The following BIRC2 variants were observed in gnomAD, a reference collection of about 807,000 sequenced individuals.
BIRC2 encodes baculoviral IAP repeat-containing protein 2.
In BIRC2, 18 loss-of-function variants were observed where a neutral mutation model predicts 60.9. The observed-to-expected ratio is 0.30, with a 90% CI of 0.20 to 0.44. The LOEUF is 0.44. Ranked by LOEUF, BIRC2 falls within the 20% of genes least tolerant of loss-of-function variation. The pLI, the probability that BIRC2 is intolerant of heterozygous loss-of-function variation, is 1.00. For missense variants in BIRC2, 701 were observed against 728.5 expected, an observed-to-expected ratio of 0.96 and a Z score of 0.43; for synonymous variants, 282 against 247.7, an observed-to-expected ratio of 1.14 and a Z score of -1.30.
chr11:102,362,838 A>G (rs980523422), intron 3 of BIRC2, 58 bp from the exon 4 acceptor site: 3 of 1,327,468 alleles, frequency 2.3e-6, no homozygotes, highest in Non-Finnish European at 3.2e-6. Context: ...TTCTAGAATG[A>G]TCAGGTTATA....
chr11:102,350,748 G>A lies in BIRC2; in HGVS notation c.894G>A (p.Val298=). The change falls in exon 2 of 9, where the codon GTG becomes GTA. Residue 298 remains valine (V), a splice_region_variant and synonymous_variant. Transcript: ENST00000227758. ...EQLASAGFYY[V]GRNDDVKCFC... ...TTGCAAGTGCTGGTTTTTATTATGT[G>A]GGTAAGAAGCAAATAACTATACATT... is the stretch of plus-strand genomic sequence containing the variant. 1 of 1,603,178 alleles carries A rather than the reference G, an allele frequency of 6.2e-7. No homozygotes were observed. Among genetic ancestry groups the A allele is most frequent in the Non-Finnish European group, 8.5e-7 (1 of 1,175,086 alleles).
intron 3 of BIRC2, among the ~76,000 whole-genome samples, chr11:102,359,108 T>C (rs1034527483): frequency 2.6e-5 from 4 of 152,210 alleles, no homozygotes; most frequent in Non-Finnish European, 5.9e-5. Context: ...TTATATCTTT[T>C]GTGCATCTAC....
At chr11:102,374,522 G>C (rs557805655) in intron 6 of BIRC2, among the ~76,000 whole-genome samples, 3,547 of 149,200 alleles carry the variant, frequency 0.024, 38 homozygotes, top group Middle Eastern at 0.066. Context: ...GCAGTCTGCC[G>C]GTTCTCAGAT....
chr11:102,378,119 C>G lies in BIRC2; in HGVS notation c.1793C>G (p.Ser598Cys). 2 of 1,613,512 alleles carry G rather than the reference C, an allele frequency of 1.2e-6. No individual in the cohort carries two copies. The highest frequency in any genetic ancestry group is 8.5e-7 in the Non-Finnish European group (1 of 1,179,730). ...GTAGTATGCCAGGAATGTGCCCCTT[C>G]TCTAAGAAAATGCCCTATTTGCAGG... ...HLVVCQECAP[S>C]LRKCPICRGI... Residue 598 changes from serine to cysteine, a missense_variant, in exon 9 of 9, where the codon TCT becomes TGT. Physicochemically the swap from Ser to Cys is moderately radical, Grantham distance 112. This residue lies in a region of BIRC2 where 52 missense variants were observed against 83.9 expected (regional missense o/e 0.62). Coordinates refer to ENST00000227758, the MANE Select transcript of BIRC2 (RefSeq NM_001166.5).
Position 102,349,793 on chromosome 11 carries a change from T to TA in BIRC2, c.-61dup. ...TGATTTCTTTTTGTGGTAAAAATCT[T>TA]AGTTCATGTGAAGAAATTTCATGTG... is the stretch of plus-strand genomic sequence containing the variant. On this transcript the variant is annotated 5_prime_UTR_variant, in exon 2 of 9. Transcript: ENST00000227758. The TA allele has an allele frequency of 6.8e-7, 1 of 1,475,212 alleles. No individual in the cohort carries two copies. The highest frequency in any genetic ancestry group is 9.1e-7 in the Non-Finnish European group (1 of 1,096,270). 91.4% of individuals were successfully genotyped at this position (1,475,212 alleles called of 1,614,324 possible).
chr11:102,372,329 C>G (rs1951642318), intron 6 of BIRC2, among the ~76,000 whole-genome samples: 1 of 152,176 alleles, frequency 6.6e-6, no homozygotes. Context: ...TCCCTCTACA[C>G]ACTGCTTTGA....
chr11:102,368,566 T>G lies in BIRC2; in HGVS notation c.1366+18T>G. ...GGCATCAGGTATTTGGGGATGTTAG[T>G]CACCTGCATTGTTTCTCAGTGGAGC... On this transcript the variant is annotated intron_variant, in intron 6 of 8. Coordinates refer to ENST00000227758, the MANE Select transcript of BIRC2 (RefSeq NM_001166.5). The G allele has an allele frequency of 6.2e-7, 1 of 1,609,876 alleles. No individual in the cohort carries two copies. Among genetic ancestry groups the G allele is most frequent in the Non-Finnish European group, 8.5e-7 (1 of 1,177,994 alleles).
chr11:102,373,196 T>A (rs113310588), intron 6 of BIRC2, among the ~76,000 whole-genome samples: 1 of 152,128 alleles, frequency 6.6e-6, no homozygotes, highest in African/African-American at 2.4e-5. Flanking sequence ...ATGTGTGAAT[T>A]TGATCCTGTC....
intron 3 of BIRC2, among the ~76,000 whole-genome samples, chr11:102,356,136 A>C (rs1482198068): frequency 6.6e-6 from 1 of 151,318 alleles, no homozygotes; most frequent in Non-Finnish European, 1.5e-5. Context: ...TATATTGAAT[A>C]GACGTGGCAA....
intron 6 of BIRC2, among the ~76,000 whole-genome samples, chr11:102,376,220 C>G (rs978353867): frequency 1.3e-5 from 2 of 152,074 alleles, no homozygotes; most frequent in African/African-American, 4.8e-5. Context: ...GTTAAGGGTG[C>G]TAATATAGAG....
Position 102,378,003 on chromosome 11 carries a change from A to T in BIRC2, c.1677A>T (p.Glu559Asp), listed in dbSNP as rs1166173107. 3.7e-6 allele frequency: 6 copies of T among 1,609,456 alleles called. No homozygotes were observed. The South Asian group carries it at 6.7e-5, about 18-fold the overall frequency. The change falls in exon 9 of 9, where the codon GAA becomes GAT. Residue 559 changes from glutamate to aspartate, a missense_variant. Transcript: ENST00000227758. ...TTTTGTTATTAGGTCTGTCACTGGAAGAACAATTGAGGAGGTTGCAAGAAG... is the reference window on the plus strand; with the variant it reads ...TTTTGTTATTAGGTCTGTCACTGGATGAACAATTGAGGAGGTTGCAAGAAG... ...PTEDVSGLSL[E>D]EQLRRLQEER... is the part of the protein sequence containing the mutation.
intron 5 of BIRC2, among the ~76,000 whole-genome samples, chr11:102,367,321 T>TC (rs1229145579): frequency 1.3e-5 from 2 of 152,258 alleles, no homozygotes; most frequent in South Asian, 2.1e-4. Context: ...TTTTTTTTTT[T>TC]CTGCTGTAAA....
chr11:102,347,642 T>C (rs1951308005), intron 1 of BIRC2: 1 of 152,296 alleles, frequency 6.6e-6, no homozygotes, highest in Non-Finnish European at 1.5e-5. Context: ...CCCACTCTTC[T>C]GGCCCTTGGA....
At chr11:102,357,018 T>A (rs541564920) in intron 3 of BIRC2, among the ~76,000 whole-genome samples, 2 of 152,316 alleles carry the variant, frequency 1.3e-5, no homozygotes, top group Admixed American at 1.3e-4. Context: ...GTATCACATT[T>A]ATTGATTTGC....
chr11:102,374,346 G>A (rs1411316945), intron 6 of BIRC2, among the ~76,000 whole-genome samples: 15 of 149,096 alleles, frequency 1.0e-4, no homozygotes, highest in Admixed American at 3.3e-4. Flanking sequence ...ATGGGTTTTC[G>A]GTGTGGATGT....
intron 6 of BIRC2, among the ~76,000 whole-genome samples, chr11:102,370,818 TG>T (rs1830325539): frequency 1.2e-5 from 1 of 82,108 alleles, no homozygotes; most frequent in Admixed American, 1.2e-4. Context: ...TTCTTCCATT[TG>T]TTTGTATCCT....
At position 102,368,321 on chromosome 11, in the gene BIRC2, C is replaced by G. The variant is rs1408621270; in HGVS notation, c.1139C>G (p.Pro380Arg). ...TTTCAAATAGTTATTCATTTTGGAC[C>G]TGGAGAAAGTTCTTCAGAAGATGCT... is the stretch of plus-strand genomic sequence containing the variant. ...NADPPIIHFG[P>R]GESSSEDAVM... The change falls in exon 6 of 9, where the codon CCT becomes CGT. Residue 380 changes from proline (P) to arginine (R), a missense_variant. Pro to Arg is a moderately radical substitution (Grantham distance 103, BLOSUM62 -2). This residue lies in a region of BIRC2 where 235 missense variants were observed against 208.9 expected (regional missense o/e 1.12). Coordinates refer to ENST00000227758, the MANE Select transcript of BIRC2 (RefSeq NM_001166.5). The G allele has an allele frequency of 1.9e-6, 3 of 1,611,734 alleles. No individual in the cohort carries two copies. Among genetic ancestry groups the G allele is most frequent in the Non-Finnish European group, 2.5e-6 (3 of 1,178,924 alleles).
At chr11:102,364,604 A>G (rs1005056617) in intron 5 of BIRC2, among the ~76,000 whole-genome samples, 1 of 152,184 alleles carries the variant, frequency 6.6e-6, no homozygotes, top group Non-Finnish European at 1.5e-5. Context: ...TAAGGTAGTA[A>G]TCCCGTTTTA....
intron 6 of BIRC2, among the ~76,000 whole-genome samples, chr11:102,372,584 C>A (rs2135822331): frequency 6.7e-6 from 1 of 148,466 alleles, no homozygotes; most frequent in Admixed American, 6.7e-5. Context: ...GCTTTACTTC[C>A]AACTATGTGG....
Sources: gnomAD v4.1 joint callset for allele counts (sites outside exome capture counted in the v4.1 genomes callset) on GRCh38, gnomAD v4.1.1 for gene constraint, gnomAD v4.1.1 regional missense constraint, MANE v1.5 for transcripts, NCBI Gene and HGNC (gene_info 2026-07-23, HGNC 2026-07-21) for gene names.